ADGRV1: variants seen among roughly 807,000 people sequenced by gnomAD.
The protein encoded by ADGRV1 is adhesion G protein-coupled receptor V1.
A neutral mutation model predicts 596.2 loss-of-function variants in ADGRV1; 359 were observed. The observed-to-expected ratio is 0.60, with a 90% CI of 0.55 to 0.66. The LOEUF (loss-of-function observed/expected upper bound fraction) is 0.66, where lower values mean the gene tolerates loss of function less well. Ranked by LOEUF, ADGRV1 falls within the 30% of genes least tolerant of loss-of-function variation. The probability of loss-of-function intolerance (pLI) is 0.00; values close to 1 mark genes in which losing one functional copy is unlikely to be tolerated. For missense variants in ADGRV1, 7,274 were observed against 7,575.6 expected, an observed-to-expected ratio of 0.96 and a Z score of 1.48; for synonymous variants, 2,681 against 2,679.2, an observed-to-expected ratio of 1.00 and a Z score of -0.02.
intron 85 of ADGRV1, among the ~76,000 whole-genome samples, chr5:91,064,002 C>T (rs1025294289): frequency 1.3e-5 from 2 of 152,142 alleles, no homozygotes; most frequent in African/African-American, 4.8e-5. Context: ...TCTTTATATG[C>T]CCTTCCATGC....
At chr5:90,798,447 C>A (rs919083422) in intron 70 of ADGRV1, among the ~76,000 whole-genome samples, 13 of 151,962 alleles carry the variant, frequency 8.6e-5, no homozygotes, top group Non-Finnish European at 1.5e-4. Flanking sequence ...GCCTACCAAC[C>A]AAAAAAAGTC....
chr5:90,868,454 G>A (rs979291412), intron 83 of ADGRV1, among the ~76,000 whole-genome samples: 1 of 151,910 alleles, frequency 6.6e-6, no homozygotes, highest in Non-Finnish European at 1.5e-5. Context: ...AGATAATTTA[G>A]AGTATGAACA....
intron 83 of ADGRV1, among the ~76,000 whole-genome samples, chr5:90,895,553 G>A (rs1277197952): frequency 6.6e-6 from 1 of 152,208 alleles, no homozygotes; most frequent in Non-Finnish European, 1.5e-5. Flanking sequence ...TTAGAAAATG[G>A]TGTCAAGAGG....
At chr5:90,791,527 A>G (rs1760077602) in intron 70 of ADGRV1, 181 bp downstream of exon 70, 5 of 571,998 alleles carry the variant, frequency 8.7e-6, no homozygotes, top group Non-Finnish European at 1.5e-5. Flanking sequence ...TAAGTATATT[A>G]CTATTTGGAT....
Position 90,790,910 on chromosome 5 carries a change from A to T in ADGRV1, c.14081A>T (p.Glu4694Val). 6.2e-7 allele frequency: 1 copy of T among 1,611,656 alleles called. No individual in the cohort carries two copies. The highest frequency in any genetic ancestry group is 2.2e-5 in the East Asian group (1 of 44,876). ...TTAAGTAGTGAGTTTGACATTACTG[A>T]AGACTTTCTTTCCACCAGTGGATTT... ...WELSSEFDIT[E>V]DFLSTSGFFT... Residue 4694 changes from glutamate to valine, a missense_variant, in exon 70 of 90, where the codon GAA becomes GTA. Glu to Val is a moderately radical substitution (Grantham distance 121). Coordinates refer to ENST00000405460, the MANE Select transcript of ADGRV1 (RefSeq NM_032119.4).
At chr5:90,882,308 AGAAAG>A (rs1002527359) in intron 83 of ADGRV1, among the ~76,000 whole-genome samples, 4 of 152,244 alleles carry the variant, frequency 2.6e-5, no homozygotes, top group African/African-American at 7.2e-5. Flanking sequence ...TTGAAAGAGA[AGAAAG>A]GAAATATTGA....
chr5:91,091,851 A>G (rs1250517107), intron 86 of ADGRV1: 2 of 152,092 alleles, frequency 1.3e-5, no homozygotes, highest in Non-Finnish European at 2.9e-5. Flanking sequence ...GTGTTGGGTC[A>G]TGCCCACTTA....
At chr5:90,999,710 TTTCCAGTTGGAAAACTGAAAA>T (rs1781707552) in intron 85 of ADGRV1, among the ~76,000 whole-genome samples, 1 of 152,076 alleles carries the variant, frequency 6.6e-6, no homozygotes, top group Non-Finnish European at 1.5e-5. Flanking sequence ...ATTTCAAAGA[TTTCCAGTTGGAAAACTGAAAA>T]AGCTCGTACA....
At chr5:91,060,395 TATA>T (rs1454222339) in intron 85 of ADGRV1, among the ~76,000 whole-genome samples, 2 of 17,610 alleles carry the variant, frequency 1.1e-4, no homozygotes, top group African/African-American at 3.4e-4. Flanking sequence ...TATATATATA[TATA>T]TTTTTTTTTT....
At chr5:90,599,236 TTTAAA>T (rs1761097767) in intron 1 of ADGRV1, among the ~76,000 whole-genome samples, 1 of 152,180 alleles carries the variant, frequency 6.6e-6, no homozygotes, top group Non-Finnish European at 1.5e-5. Context: ...CAAAGATGAA[TTTAAA>T]TCAAACCTAA....
At chr5:90,765,124 C>G (rs932412870) in intron 59 of ADGRV1, among the ~76,000 whole-genome samples, 2 of 152,088 alleles carry the variant, frequency 1.3e-5, no homozygotes, top group African/African-American at 4.8e-5. Context: ...TCTGACAGAT[C>G]CTGGCTCTCT....
At chr5:90,686,023 C>T in intron 29 of ADGRV1, 28 bp downstream of exon 29, 2 of 1,441,044 alleles carry the variant, frequency 1.4e-6, no homozygotes, top group South Asian at 2.8e-5. Flanking sequence ...AAAAGCAGTA[C>T]ATACAGAGGG....
intron 4 of ADGRV1, among the ~76,000 whole-genome samples, chr5:90,622,197 T>C (rs1353795105): frequency 6.6e-6 from 1 of 152,174 alleles, no homozygotes; most frequent in African/African-American, 2.4e-5. Flanking sequence ...AAAGAGTGGT[T>C]GTGGACAAGG....
Position 90,862,619 on chromosome 5 carries a change from G to A in ADGRV1, c.17756-1138G>A, listed in dbSNP as rs529266094. On this transcript the variant is annotated intron_variant, in intron 82 of 89. Coordinates refer to ENST00000405460, the MANE Select transcript of ADGRV1 (RefSeq NM_032119.4). ...GGGTGAATTTTGAAGCCAGACCCAG[G>A]ACCTACACACCTGTTCCAGAACACC... 2.6e-5 allele frequency among the ~76,000 whole-genome samples: 4 copies of A among 152,162 alleles called. No homozygotes were observed. In the East Asian group the frequency reaches 5.8e-4, roughly 22 times the overall value.
In ADGRV1 at chr5:90,873,608, T is replaced by C. The variant is rs905844413; in HGVS notation, c.17856+9751T>C. Among the ~76,000 whole-genome samples, 3 of 152,250 alleles carry C rather than the reference T, an allele frequency of 2.0e-5. No homozygotes were observed. In the East Asian group the frequency reaches 5.8e-4, roughly 29 times the overall value. Reference sequence around the variant, plus strand: ...TGCATTTTTAAAAACTTTTAAAGTATAGATTTCTTTACAAAAAATGCTCAG... The same window carrying C: ...TGCATTTTTAAAAACTTTTAAAGTACAGATTTCTTTACAAAAAATGCTCAG... On this transcript the variant is annotated intron_variant, in intron 83 of 89. Coordinates refer to ENST00000405460, the MANE Select transcript of ADGRV1 (RefSeq NM_032119.4).
Position 90,642,846 on chromosome 5 carries a change from G to T in ADGRV1, c.2368-10G>T, listed in dbSNP as rs750906238. 1.3e-6 allele frequency: 2 copies of T among 1,597,550 alleles called. No individual in the cohort carries two copies. The highest frequency in any genetic ancestry group is 3.5e-5 in the Admixed American group (2 of 56,858). ...AAAGGGTTTCAACTTTTGTGGATTT[G>T]TTTTTAAAGGAAGGAGAATCTGTAG... On this transcript the variant is annotated splice_polypyrimidine_tract_variant and intron_variant, in intron 12 of 89. Transcript: ENST00000405460.
At chr5:90,817,112 T>C (rs1190491232) in intron 75 of ADGRV1, among the ~76,000 whole-genome samples, 8 of 152,206 alleles carry the variant, frequency 5.3e-5, no homozygotes, top group Non-Finnish European at 1.0e-4. Flanking sequence ...TTCTAACTGG[T>C]GTGAGATGGT....
rs1754452984 is a variant in ADGRV1 at position 90,559,058 on chromosome 5, G to A, written c.22+141G>A. ...AGCCGGGCCCAGGGAGGCTGGGCGC[G>A]CACCCGGCGCCGCGGCCTGCGGGTA... is the stretch of plus-strand genomic sequence containing the variant. On this transcript the variant is annotated intron_variant, in intron 1 of 89. Coordinates refer to ENST00000405460, the MANE Select transcript of ADGRV1 (RefSeq NM_032119.4). The A allele has an allele frequency of 8.0e-6, 5 of 623,290 alleles. No homozygotes were observed. The East Asian group carries it at 1.0e-4, about 13-fold the overall frequency. The allele number at this position is 623,290 out of a possible 1,614,324, so 38.6% of individuals were successfully genotyped here.
At chr5:90,590,351 C>T (rs1759323143) in intron 1 of ADGRV1, among the ~76,000 whole-genome samples, 1 of 152,160 alleles carries the variant, frequency 6.6e-6, no homozygotes, top group Admixed American at 6.5e-5. Context: ...ACTGCTTAAT[C>T]ATTCATGTAT....
Sources: allele counts gnomAD v4.1 joint callset (sites outside exome capture counted in the v4.1 genomes callset), GRCh38; gene constraint gnomAD v4.1.1; transcripts MANE v1.5; gene names NCBI Gene and HGNC (gene_info 2026-07-23, HGNC 2026-07-21).